SEMA3D: variants seen among roughly 807,000 people sequenced by gnomAD.
SEMA3D encodes semaphorin 3D, also known as semaphorin-3D.
In SEMA3D, 84 loss-of-function variants were observed where a neutral mutation model predicts 100.1. The ratio of observed to expected loss-of-function variants is 0.84; its 90% CI spans 0.70 to 1.01. SEMA3D has a LOEUF of 1.01. Ranked by LOEUF, SEMA3D falls within the 50% of genes least tolerant of loss-of-function variation. The pLI, the probability that SEMA3D is intolerant of heterozygous loss-of-function variation, is 0.00. For missense variants in SEMA3D, 875 were observed against 934.1 expected (o/e 0.94, Z 0.82); for synonymous variants, 312 against 320.7 (o/e 0.97, Z 0.29).
intron 18 of SEMA3D, among the ~76,000 whole-genome samples, chr7:85,005,171 A>C (rs932779139): frequency 1.3e-5 from 2 of 152,074 alleles, no homozygotes; most frequent in Non-Finnish European, 2.9e-5. Flanking sequence ...TTCGCTATGA[A>C]ATTCAAAATA....
chr7:85,112,099 C>T (rs1789111690), intron 3 of SEMA3D, among the ~76,000 whole-genome samples: 1 of 152,094 alleles, frequency 6.6e-6, no homozygotes, highest in Non-Finnish European at 1.5e-5. Flanking sequence ...CTATATCATA[C>T]TGAATCCAGA....
the SEMA3D span, among the ~76,000 whole-genome samples, chr7:85,215,887 T>C: frequency 6.6e-6 from 1 of 152,054 alleles, no homozygotes; most frequent in African/African-American, 2.4e-5. Context: ...CACTCAAACC[T>C]GAAAAATAAT....
At chr7:85,074,870 G>A (rs77040454) in intron 5 of SEMA3D, among the ~76,000 whole-genome samples, 1,896 of 151,896 alleles carry the variant, frequency 0.012, 21 homozygotes, top group African/African-American at 0.024. Context: ...TCCTCTCTCC[G>A]TGGCCTTCCA....
chr7:85,061,537 C>G (rs564973219), intron 8 of SEMA3D, among the ~76,000 whole-genome samples: 1 of 152,096 alleles, frequency 6.6e-6, no homozygotes, highest in African/African-American at 2.4e-5. Flanking sequence ...ACTCACTTGT[C>G]GCAGTTCATC....
intron 2 of SEMA3D, among the ~76,000 whole-genome samples, chr7:85,126,408 T>TGTGTGTGTGTGTC (rs1789571338): frequency 7.7e-6 from 1 of 130,716 alleles, no homozygotes; most frequent in Non-Finnish European, 1.6e-5. Flanking sequence ...GTGTGTCGTG[T>TGTGTGTGTGTGTC]GTGTGTGTGT....
chr7:85,035,292 A>G (rs1234469837), intron 12 of SEMA3D, among the ~76,000 whole-genome samples: 1 of 151,538 alleles, frequency 6.6e-6, no homozygotes, highest in Non-Finnish European at 1.5e-5. Context: ...ATATGTATAT[A>G]TCTATATACA....
At chr7:85,195,035 C>A in the SEMA3D span, among the ~76,000 whole-genome samples, 2 of 152,116 alleles carry the variant, frequency 1.3e-5, no homozygotes, top group Non-Finnish European at 2.9e-5. Context: ...GTGGAGGTCA[C>A]AATTCATCCC....
rs754311072 is a variant in SEMA3D, at chr7:85,020,324, G to GA, written c.1415-4dup. ...AACTTTGAGGACAGTTCCAATGTCT[G>GA]AAAAAATGCATAACCCATGATCCCA... On this transcript the variant is annotated splice_polypyrimidine_tract_variant and splice_region_variant and intron_variant, in intron 13 of 18. Coordinates refer to ENST00000284136, the MANE Select transcript of SEMA3D (RefSeq NM_001384900.1). 2 of 1,603,518 alleles carry GA rather than the reference G, an allele frequency of 1.2e-6. No individual in the cohort carries two copies. Among genetic ancestry groups the GA allele is most frequent in the Non-Finnish European group, 1.7e-6 (2 of 1,171,982 alleles).
chr7:85,151,469 T>G (rs1583971230), intron 2 of SEMA3D, among the ~76,000 whole-genome samples: 1 of 152,092 alleles, frequency 6.6e-6, no homozygotes, highest in East Asian at 1.9e-4. Context: ...TCAAAATCAG[T>G]TCCAGAAAGA....
intron 5 of SEMA3D, among the ~76,000 whole-genome samples, chr7:85,075,065 C>T (rs1216313264): frequency 6.6e-6 from 1 of 152,078 alleles, no homozygotes; most frequent in African/African-American, 2.4e-5. Context: ...AGCCTTTGCG[C>T]ACTCATGCTC....
chr7:85,001,195 C>G (rs554316262), intron 18 of SEMA3D, among the ~76,000 whole-genome samples: 1 of 152,288 alleles, frequency 6.6e-6, no homozygotes. Context: ...AGGCCAAAGG[C>G]AGGTCACAGC....
intron 17 of SEMA3D, among the ~76,000 whole-genome samples, chr7:85,011,094 GT>G (rs1034695320): frequency 7.2e-5 from 11 of 151,788 alleles, no homozygotes; most frequent in Non-Finnish European, 1.2e-4. Context: ...TGATTTTGCT[GT>G]TGTAAATACT....
Position 85,022,581 on chromosome 7 carries a change from C to CTT in SEMA3D, c.1222_1223dup (p.Thr410ProfsTer13), listed in dbSNP as rs1790286431. 6.2e-7 allele frequency: 1 copy of CTT among 1,612,208 alleles called. No homozygotes were observed. On this transcript the variant is annotated frameshift_variant, in exon 13 of 19. Transcript: ENST00000284136. LOFTEE classifies it high-confidence loss of function. ...CATCATCTGGAAAATCTCGGGTGGA[C>CTT]TTAATCAGTGGGTCATAGGTTTTGC...
the SEMA3D span, among the ~76,000 whole-genome samples, chr7:85,246,734 C>T: frequency 1.3e-5 from 2 of 151,326 alleles, no homozygotes; most frequent in Non-Finnish European, 3.0e-5. Context: ...ATAATAATTC[C>T]CTATGACCTG....
intron 2 of SEMA3D, among the ~76,000 whole-genome samples, chr7:85,127,102 C>G (rs1173416197): frequency 1.3e-5 from 2 of 152,100 alleles, no homozygotes. Context: ...TCTGACTCCT[C>G]AGAGATCATG....
chr7:85,164,718 T>C (rs1790848569), intron 1 of SEMA3D, among the ~76,000 whole-genome samples: 1 of 152,134 alleles, frequency 6.6e-6, no homozygotes, highest in Non-Finnish European at 1.5e-5. Context: ...TAATACATTT[T>C]ATATATTACA....
the SEMA3D span, among the ~76,000 whole-genome samples, chr7:85,215,521 G>A: frequency 6.6e-6 from 1 of 152,070 alleles, no homozygotes; most frequent in Non-Finnish European, 1.5e-5. Flanking sequence ...AAGAGACGGA[G>A]AACTGCAATC....
chr7:85,204,570 C>A, the SEMA3D span, among the ~76,000 whole-genome samples: 101,614 of 151,882 alleles, frequency 0.67, 34,789 homozygotes, highest in East Asian at 0.9. Flanking sequence ...TGATGAGAAA[C>A]GGGCTCATGA....
chr7:85,039,639 T>C (rs940447326), intron 11 of SEMA3D, among the ~76,000 whole-genome samples: 1 of 152,246 alleles, frequency 6.6e-6, no homozygotes, highest in South Asian at 2.1e-4. Flanking sequence ...AAGACAGAAA[T>C]ACAGGAGTAG....
Sources: gnomAD v4.1 joint callset for allele counts (sites outside exome capture counted in the v4.1 genomes callset) on GRCh38, gnomAD v4.1.1 for gene constraint, MANE v1.5 for transcripts, NCBI Gene and HGNC (gene_info 2026-07-23, HGNC 2026-07-21) for gene names.